Variants in TRPM4 observed in about 807,000 individuals in gnomAD.
TRPM4 encodes the protein transient receptor potential cation channel subfamily M member 4, also known as calcium-activated non-selective cation channel 1.
Under a neutral mutation model 135.6 loss-of-function variants are expected in TRPM4, and 124 were observed. That is an observed-to-expected ratio of 0.91 (90% CI 0.79 to 1.06). TRPM4 has a LOEUF of 1.06. Among genes scored for constraint, TRPM4 ranks in the 50% least tolerant of loss-of-function variants. The pLI, the probability that TRPM4 is intolerant of heterozygous loss-of-function variation, is 0.00. For missense variants in TRPM4, 1,658 were observed against 1,671.4 expected, an observed-to-expected ratio of 0.99 and a Z score of 0.14; for synonymous variants, 745 against 705.6, an observed-to-expected ratio of 1.06 and a Z score of -0.88.
chr19:49,197,785 C>T (rs971743315), intron 17 of TRPM4, among the ~76,000 whole-genome samples: 2 of 151,674 alleles, frequency 1.3e-5, no homozygotes, highest in African/African-American at 4.8e-5. Flanking sequence ...TGGGTTCAAG[C>T]GATTCTCTTG....
rs1347083636 is a variant in TRPM4, at chr19:49,211,473, C to T, written c.3641-21C>T. 3 of 1,613,920 alleles carry T rather than the reference C, an allele frequency of 1.9e-6. No homozygotes were observed. Among genetic ancestry groups the T allele is most frequent in the South Asian group, 1.1e-5 (1 of 91,096 alleles). On this transcript the variant is annotated intron_variant, in intron 24 of 24. Coordinates refer to ENST00000252826, the MANE Select transcript of TRPM4 (RefSeq NM_017636.4). This position sits in a 1 kb window ranked among gnomAD's most constrained non-coding sequence, Gnocchi z 4.8. ...CCCTTCCCTGCCAATCACCTGCTCT[C>T]TCTTTTCTCTCTTCCCCCAGACTGA...
chr19:49,189,367 C>T (rs1228291711), intron 14 of TRPM4, among the ~76,000 whole-genome samples: 1 of 152,168 alleles, frequency 6.6e-6, no homozygotes, highest in Non-Finnish European at 1.5e-5. Flanking sequence ...CAGGAAATTC[C>T]ACCTTTAACC....
At chr19:49,177,330 C>CTTTTT (rs36041791) in intron 9 of TRPM4, among the ~76,000 whole-genome samples, 2 of 117,288 alleles carry the variant, frequency 1.7e-5, no homozygotes, top group African/African-American at 3.2e-5. Context: ...ATGAATGCGT[C>CTTTTT]TTTTTTTTTT....
At position 49,210,267 on chromosome 19, in the gene TRPM4, C is replaced by T. The variant is rs755441077; in HGVS notation, c.3190C>T (p.Arg1064Cys). 3.7e-6 allele frequency: 6 copies of T among 1,614,116 alleles called. No homozygotes were observed. The highest frequency in any genetic ancestry group is 3.3e-5 in the South Asian group (3 of 91,084). Residue 1064 changes from arginine (R) to cysteine (C), a missense_variant, in exon 21 of 25, where the codon CGC becomes TGC. By Grantham distance (180) the Arg-to-Cys change is radical (BLOSUM62 -3). Coordinates refer to ENST00000252826, the MANE Select transcript of TRPM4 (RefSeq NM_017636.4). This position sits in a 1 kb window ranked among gnomAD's most constrained non-coding sequence, Gnocchi z 4.1. Reference sequence around the variant, plus strand: ...TCTCTACTGGAAGGCGCAGCGTTACCGCCTCATCCGGGAATTCCACTCTCG... The same window carrying T: ...TCTCTACTGGAAGGCGCAGCGTTACTGCCTCATCCGGGAATTCCACTCTCG... Reference protein sequence around the residue: ...SDLYWKAQRYRLIREFHSRPA... With the variant: ...SDLYWKAQRYCLIREFHSRPA...
At position 49,193,566 on chromosome 19, in the gene TRPM4, C is replaced by A. The variant is rs370301783; in HGVS notation, c.2210+2793C>A. ...TCTGTGCTCTCAGCCCCTGTGGAGC[C>A]CCCCCACTGAGAGCTCTGTTGAAGG... On this transcript the variant is annotated intron_variant, in intron 16 of 24. Transcript: ENST00000252826. Among the ~76,000 whole-genome samples, 320 of 151,878 alleles carry A rather than the reference C, an allele frequency of 2.1e-3. 5 individuals are homozygous for A. Among genetic ancestry groups the A allele is most frequent in the Middle Eastern group, 6.8e-3 (2 of 294 alleles).
At chr19:49,170,440 C>T (rs908197924) in intron 6 of TRPM4, among the ~76,000 whole-genome samples, 10 of 152,212 alleles carry the variant, frequency 6.6e-5, no homozygotes, top group South Asian at 6.2e-4. Context: ...CCACCCGCCT[C>T]GGCCTCCCAA....
chr19:49,208,495 A>G (rs377260287), intron 20 of TRPM4, among the ~76,000 whole-genome samples: 51 of 151,624 alleles, frequency 3.4e-4, no homozygotes, highest in African/African-American at 1.1e-3. Flanking sequence ...CAGGAATAAC[A>G]GAAGGCTCAC....
Position 49,171,584 on chromosome 19 carries a change from G to A in TRPM4, c.865G>A (p.Glu289Lys), listed in dbSNP as rs770369257. 67 of 1,613,950 alleles carry A rather than the reference G, an allele frequency of 4.2e-5. No individual in the cohort carries two copies. Among genetic ancestry groups the A allele is most frequent in the Non-Finnish European group, 5.6e-5 (66 of 1,180,034 alleles). Residue 289 changes from glutamate to lysine, a missense_variant, in exon 8 of 25, where the codon GAG (glutamate) becomes AAG (lysine). Glu to Lys is a moderately conservative substitution (Grantham distance 56, BLOSUM62 1). Around this residue, in one of 3 missense-constraint regions of TRPM4, gnomAD observed 1,412 missense variants for 1,408.7 expected, o/e 1.00. Transcript: ENST00000252826. This position sits in a 1 kb window ranked among gnomAD's most constrained non-coding sequence, Gnocchi z 4.7. The part of the protein sequence containing the change: ...DGDEKMLTRI[E>K]NATQAQLPCL... ...GAATGCCTTTATCCTGTAGCGAATAGAGAACGCCACCCAGGCTCAGCTCCC... is the reference window on the plus strand; with the variant it reads ...GAATGCCTTTATCCTGTAGCGAATAAAGAACGCCACCCAGGCTCAGCTCCC...
At chr19:49,178,757 T>A (rs116045827) in intron 9 of TRPM4, among the ~76,000 whole-genome samples, 51,283 of 149,502 alleles carry the variant, frequency 0.34, 9,248 homozygotes, top group African/African-American at 0.45. Flanking sequence ...TATTATTATT[T>A]TTATTTTTTT....
chr19:49,194,102 TCTC>T (rs146698501), intron 16 of TRPM4, among the ~76,000 whole-genome samples: 2,868 of 114,224 alleles, frequency 0.025, 126 homozygotes, highest in African/African-American at 0.096. Flanking sequence ...TCCTCCGCCT[TCTC>T]CTCATCCTAC....
intron 9 of TRPM4, among the ~76,000 whole-genome samples, chr19:49,178,822 G>A (rs944539279): frequency 2.0e-5 from 3 of 151,720 alleles, no homozygotes; most frequent in Non-Finnish European, 4.4e-5. Flanking sequence ...GCAGTGGCAC[G>A]ATCTTGGCTC....
Position 49,211,103 on chromosome 19 carries a change from C to T in TRPM4, c.3534+16C>T, listed in dbSNP as rs1218602175. 1.9e-6 allele frequency: 3 copies of T among 1,613,734 alleles called. No homozygotes were observed. The South Asian group carries it at 3.3e-5, about 18-fold the overall frequency. On this transcript the variant is annotated intron_variant, in intron 23 of 24. Transcript: ENST00000252826. This position sits in a 1 kb window ranked among gnomAD's most constrained non-coding sequence, Gnocchi z 4.8. ...GGAGCGGGAGGTGAGGCCTTGGGGC[C>T]TGGCTGGGGGACTGTGGCAGGGGTC...
chr19:49,206,034 C>A (rs150339456), intron 20 of TRPM4, among the ~76,000 whole-genome samples: 6 of 152,322 alleles, frequency 3.9e-5, no homozygotes, highest in African/African-American at 1.2e-4. Context: ...GATCTCTGCT[C>A]ACTGCAACAT....
chr19:49,158,010 G>A (rs2041547328), intron 1 of TRPM4, 120 bp downstream of exon 1: 1 of 1,345,596 alleles, frequency 7.4e-7, no homozygotes, highest in African/African-American at 1.4e-5. Flanking sequence ...GGATGGGAGG[G>A]TCCAGGTTCC....
intron 16 of TRPM4, among the ~76,000 whole-genome samples, chr19:49,194,090 GCTC>G (rs1968527833): frequency 1.2e-5 from 1 of 84,878 alleles, no homozygotes; most frequent in South Asian, 3.7e-4. Flanking sequence ...TCCTGCTCCT[GCTC>G]CTCCGCCTTC....
At position 49,174,863 on chromosome 19, in the gene TRPM4, G is replaced by C. The variant is rs1967615419; in HGVS notation, c.1150+2755G>C. ...AGATAAGTATTCAGGAAGATTCCCA[G>C]GGCTCTGTGTGGGGAGGGTCATTTT... On this transcript the variant is annotated intron_variant, in intron 9 of 24. Transcript: ENST00000252826. 2.0e-5 allele frequency among the ~76,000 whole-genome samples: 3 copies of C among 151,244 alleles called. No homozygotes were observed. In the South Asian group the frequency reaches 6.2e-4, roughly 31 times the overall value.
chr19:49,197,473 CTCCTTCCTTCCT>C (rs59760626), intron 17 of TRPM4, among the ~76,000 whole-genome samples: 34,816 of 114,736 alleles, frequency 0.3, 5,345 homozygotes, highest in South Asian at 0.4. Context: ...GCCTCCCTCC[CTCCTTCCTTCCT>C]TCCTTCCTTC....
At chr19:49,179,665 T>C (rs1967841728) in intron 9 of TRPM4, among the ~76,000 whole-genome samples, 1 of 152,230 alleles carries the variant, frequency 6.6e-6, no homozygotes, top group Non-Finnish European at 1.5e-5. Context: ...AGCAAGATAT[T>C]ATGAACAATT....
At position 49,157,835 on chromosome 19, in the gene TRPM4, G is replaced by T; in HGVS notation, c.-32G>T. ...CCGGCGGAGGGAGCGCCGGGGCCCTGGGCTGCAGGAGGTTGCGGCGGCCGC... is the reference window on the plus strand; with the variant it reads ...CCGGCGGAGGGAGCGCCGGGGCCCTTGGCTGCAGGAGGTTGCGGCGGCCGC... On this transcript the variant is annotated 5_prime_UTR_variant, in exon 1 of 25. Transcript: ENST00000252826. 1 of 1,534,304 alleles carries T rather than the reference G, an allele frequency of 6.5e-7. No individual in the cohort carries two copies. The highest frequency in any genetic ancestry group is 2.4e-5 in the East Asian group (1 of 40,902).
Sources: allele counts gnomAD v4.1 joint callset (sites outside exome capture counted in the v4.1 genomes callset), GRCh38; gene constraint gnomAD v4.1.1; regional missense constraint gnomAD v4.1.1; non-coding constraint Gnocchi (gnomAD v3.1); transcripts MANE v1.5; gene names NCBI Gene and HGNC (gene_info 2026-07-23, HGNC 2026-07-21).